The following KLHL14 variants were observed in gnomAD, a reference collection of about 807,000 sequenced individuals.
KLHL14 encodes kelch like family member 14, also known as kelch-like protein 14.
Under a neutral mutation model 64.3 loss-of-function variants are expected in KLHL14, and 22 were observed. That is an observed-to-expected ratio of 0.34 (90% CI 0.24 to 0.49). The LOEUF (loss-of-function observed/expected upper bound fraction) is 0.49, where lower values mean the gene tolerates loss of function less well. Among genes scored for constraint, KLHL14 ranks in the 20% least tolerant of loss-of-function variants. The probability of loss-of-function intolerance (pLI) is 0.99; values close to 1 mark genes in which losing one functional copy is unlikely to be tolerated. For synonymous variants in KLHL14, 322 were observed against 333.4 expected (o/e 0.97, Z 0.37); for missense variants, 661 against 789.0 (o/e 0.84, Z 1.94).
chr18:32,763,923 C>A (rs2050327338), intron 2 of KLHL14, among the ~76,000 whole-genome samples: 1 of 152,132 alleles, frequency 6.6e-6, no homozygotes, highest in South Asian at 2.1e-4. Flanking sequence ...GACAAACCTA[C>A]AATGGGGTAA....
intron 3 of KLHL14, among the ~76,000 whole-genome samples, chr18:32,712,355 C>T (rs945435807): frequency 6.6e-6 from 1 of 152,144 alleles, no homozygotes. Flanking sequence ...GAAAAGAATT[C>T]CCACAGCTTC....
chr18:32,694,980 C>T (rs1445404766), intron 4 of KLHL14, among the ~76,000 whole-genome samples: 3 of 152,180 alleles, frequency 2.0e-5, no homozygotes, highest in Non-Finnish European at 4.4e-5. Flanking sequence ...GCAAAAGGTA[C>T]AGCAACTGGA....
At chr18:32,739,963 T>C (rs910704760) in intron 3 of KLHL14, among the ~76,000 whole-genome samples, 1 of 152,194 alleles carries the variant, frequency 6.6e-6, no homozygotes, top group Non-Finnish European at 1.5e-5. Context: ...TTTGAGTGCA[T>C]TCTATGTGCT....
chr18:32,720,216 C>T (rs540460608), intron 3 of KLHL14, among the ~76,000 whole-genome samples: 4 of 152,198 alleles, frequency 2.6e-5, no homozygotes, highest in African/African-American at 7.2e-5. Context: ...AGGAGCCCTG[C>T]TAAAGAGTTG....
At chr18:32,758,718 T>A (rs1291722231) in intron 2 of KLHL14, among the ~76,000 whole-genome samples, 3 of 152,132 alleles carry the variant, frequency 2.0e-5, no homozygotes, top group Non-Finnish European at 2.9e-5. Context: ...AACAACAAAA[T>A]GTAGTTTATC....
At chr18:32,697,363 T>A (rs751370929) in intron 3 of KLHL14, among the ~76,000 whole-genome samples, 10 of 152,190 alleles carry the variant, frequency 6.6e-5, no homozygotes, top group Non-Finnish European at 4.4e-5. Flanking sequence ...CTGGTGCTAC[T>A]CCAGTTGATG....
intron 4 of KLHL14, among the ~76,000 whole-genome samples, chr18:32,694,099 G>A (rs914953822): frequency 1.3e-5 from 2 of 152,132 alleles, no homozygotes; most frequent in African/African-American, 4.8e-5. Flanking sequence ...AATGAATTGT[G>A]GCAACAAGAC....
chr18:32,770,183 G>T lies in KLHL14; in HGVS notation c.409C>A (p.Leu137Met). The change falls in exon 2 of 9, where the codon CTG becomes ATG. Residue 137 changes from leucine to methionine, a missense_variant. Transcript: ENST00000359358. The surrounding 1 kb of genome is among the most constrained non-coding windows in gnomAD (Gnocchi z 6.7). ...GCCGTGTAGAGGTACTCGAGCACCA[G>T]GCGCAGCCCGATGGACGAGCAGCCC... is the stretch of plus-strand genomic sequence containing the variant. ...LQGCSSIGLR[L>M]VLEYLYTANV... is the part of the protein sequence containing the mutation. The T allele has an allele frequency of 6.2e-7, 1 of 1,613,446 alleles. No individual in the cohort carries two copies. Among genetic ancestry groups the T allele is most frequent in the East Asian group, 2.2e-5 (1 of 44,836 alleles).
chr18:32,687,263 CTT>C (rs778202471), intron 4 of KLHL14, 30 bp from the exon 5 acceptor site: 6 of 1,556,882 alleles, frequency 3.9e-6, no homozygotes, highest in Non-Finnish European at 5.3e-6. Context: ...ACATTTAAAA[CTT>C]AGATTCTTTT....
At chr18:32,733,345 G>A (rs2050146021) in intron 3 of KLHL14, among the ~76,000 whole-genome samples, 1 of 151,102 alleles carries the variant, frequency 6.6e-6, no homozygotes, top group Admixed American at 6.6e-5. Flanking sequence ...GATGGTGGTG[G>A]TGTGTGTGTG....
At chr18:32,742,168 C>T (rs1395523096) in intron 2 of KLHL14, 119 bp from the exon 3 acceptor site, 3 of 1,189,560 alleles carry the variant, frequency 2.5e-6, no homozygotes, top group Non-Finnish European at 3.6e-6. Flanking sequence ...TTCATTTTTT[C>T]CTGTTTCTTC....
chr18:32,705,738 G>A (rs913119029), intron 3 of KLHL14, among the ~76,000 whole-genome samples: 2 of 152,106 alleles, frequency 1.3e-5, no homozygotes, highest in African/African-American at 2.4e-5. Flanking sequence ...ATAAATAAAT[G>A]AATGTATGTT....
At chr18:32,730,325 T>C (rs1032072262) in intron 3 of KLHL14, among the ~76,000 whole-genome samples, 3 of 152,238 alleles carry the variant, frequency 2.0e-5, no homozygotes, top group African/African-American at 7.2e-5. Context: ...TCTTCAGATC[T>C]AATCATACAG....
intron 3 of KLHL14, among the ~76,000 whole-genome samples, chr18:32,736,644 C>T (rs1157734868): frequency 1.3e-5 from 2 of 152,012 alleles, no homozygotes. Flanking sequence ...ATTCTGCAGC[C>T]CCATTGCTTA....
At chr18:32,708,634 A>G (rs911090522) in intron 3 of KLHL14, among the ~76,000 whole-genome samples, 1 of 152,148 alleles carries the variant, frequency 6.6e-6, no homozygotes, top group African/African-American at 2.4e-5. Flanking sequence ...CTGACCCACC[A>G]AGCCAGGCTT....
At chr18:32,704,529 C>A (rs552928612) in intron 3 of KLHL14, among the ~76,000 whole-genome samples, 100 of 152,178 alleles carry the variant, frequency 6.6e-4, no homozygotes, top group African/African-American at 2.3e-3. Flanking sequence ...TTGAGACCAG[C>A]CTGACTAACA....
At chr18:32,753,547 A>G (rs963872615) in intron 2 of KLHL14, among the ~76,000 whole-genome samples, 8 of 152,222 alleles carry the variant, frequency 5.3e-5, no homozygotes, top group African/African-American at 1.9e-4. Context: ...AAACTTGCAG[A>G]CTGGCTGGTG....
At chr18:32,744,795 T>G (rs2050216254) in intron 2 of KLHL14, 1 of 152,212 alleles carries the variant, frequency 6.6e-6, no homozygotes, top group Non-Finnish European at 1.5e-5. Context: ...CCATCTCTGC[T>G]GATAAGGAGA....
intron 4 of KLHL14, among the ~76,000 whole-genome samples, chr18:32,691,906 A>G (rs1408753124): frequency 6.6e-6 from 1 of 152,032 alleles, no homozygotes; most frequent in Non-Finnish European, 1.5e-5. Context: ...ATGTGATTAT[A>G]TGGGGCAAAG....
Sources: allele counts gnomAD v4.1 joint callset (sites outside exome capture counted in the v4.1 genomes callset), GRCh38; gene constraint gnomAD v4.1.1; non-coding constraint Gnocchi (gnomAD v3.1); transcripts MANE v1.5; gene names NCBI Gene and HGNC (gene_info 2026-07-23, HGNC 2026-07-21).